The following CACNA2D3 variants were observed in gnomAD, a reference collection of about 807,000 sequenced individuals.
CACNA2D3 encodes the protein voltage-dependent calcium channel subunit alpha-2/delta-3.
CACNA2D3 carries 60 observed loss-of-function variants against 160.6 expected under a neutral mutation model. That is an observed-to-expected ratio of 0.37 (90% CI 0.30 to 0.46). The LOEUF is 0.46. Among genes scored for constraint, CACNA2D3 ranks in the 20% least tolerant of loss-of-function variants. The probability of loss-of-function intolerance (pLI) is 1.00; values close to 1 mark genes in which losing one functional copy is unlikely to be tolerated. For synonymous variants in CACNA2D3, 558 were observed against 492.9 expected (o/e 1.13, Z -1.75); for missense variants, 1,205 against 1,365.0 (o/e 0.88, Z 1.85).
chr3:54,496,681 T>C (rs953039759), intron 4 of CACNA2D3, among the ~76,000 whole-genome samples: 1 of 152,200 alleles, frequency 6.6e-6, no homozygotes, highest in African/African-American at 2.4e-5. Flanking sequence ...AAAATGTAAG[T>C]GCCTTCTGTA....
At chr3:54,773,049 C>T (rs146389901) in intron 13 of CACNA2D3, among the ~76,000 whole-genome samples, 4 of 152,304 alleles carry the variant, frequency 2.6e-5, no homozygotes, top group African/African-American at 7.2e-5. Flanking sequence ...TTGCCCCTCC[C>T]GTTTGCTGGT....
intron 4 of CACNA2D3, among the ~76,000 whole-genome samples, chr3:54,444,512 G>C (rs1700190993): frequency 6.6e-6 from 1 of 152,154 alleles, no homozygotes; most frequent in Non-Finnish European, 1.5e-5. Context: ...GATGTGGTGG[G>C]CCTTTTCATA....
At chr3:54,594,380 C>A (rs569292525) in intron 9 of CACNA2D3, among the ~76,000 whole-genome samples, 3 of 152,208 alleles carry the variant, frequency 2.0e-5, no homozygotes, top group Admixed American at 2.0e-4. Flanking sequence ...CTTAGTTTTC[C>A]AATCCCTGGT....
chr3:54,658,043 A>G (rs1188246223), intron 11 of CACNA2D3, among the ~76,000 whole-genome samples: 1 of 152,196 alleles, frequency 6.6e-6, no homozygotes, highest in Admixed American at 6.5e-5. Context: ...AAGAAATTAT[A>G]TTGTATGTGT....
chr3:54,869,955 C>A (rs557818530), intron 17 of CACNA2D3, among the ~76,000 whole-genome samples: 287 of 152,188 alleles, frequency 1.9e-3, no homozygotes, highest in South Asian at 5.6e-3. Flanking sequence ...TAAAACTGAC[C>A]GTGAATGTCT....
At chr3:54,883,056 T>C (rs934418382) in intron 21 of CACNA2D3, among the ~76,000 whole-genome samples, 43 of 152,224 alleles carry the variant, frequency 2.8e-4, no homozygotes, top group Non-Finnish European at 2.9e-5. Context: ...AGTCTTGCTC[T>C]GTTGCTGAGG....
chr3:54,806,493 C>T (rs538194414), intron 13 of CACNA2D3, among the ~76,000 whole-genome samples: 37 of 152,072 alleles, frequency 2.4e-4, no homozygotes, highest in African/African-American at 8.9e-4. Flanking sequence ...ATCCAACTTA[C>T]AAGGGATGTG....
chr3:54,749,458 C>G (rs957778079), intron 11 of CACNA2D3, among the ~76,000 whole-genome samples: 2 of 152,182 alleles, frequency 1.3e-5, no homozygotes, highest in Admixed American at 6.5e-5. Flanking sequence ...TATGTACTCT[C>G]TTCTACCACT....
At chr3:54,629,637 A>G (rs1165203236) in intron 10 of CACNA2D3, among the ~76,000 whole-genome samples, 3 of 152,210 alleles carry the variant, frequency 2.0e-5, no homozygotes, top group Non-Finnish European at 4.4e-5. Context: ...TGTTGACAGC[A>G]AAGTAATAGT....
chr3:55,033,606 ATC>A (rs58111100), intron 35 of CACNA2D3, among the ~76,000 whole-genome samples: 12 of 134,688 alleles, frequency 8.9e-5, no homozygotes, highest in African/African-American at 3.4e-4. Context: ...ATATATATAT[ATC>A]TCCTTGAAGT....
rs561873331 is a variant in CACNA2D3 at position 54,457,814 on chromosome 3, C to G, written c.382-45678C>G. Among the ~76,000 whole-genome samples, 8 of 152,080 alleles carry G rather than the reference C, an allele frequency of 5.3e-5. No homozygotes were observed. In the South Asian group the frequency reaches 1.7e-3, roughly 32 times the overall value. ...TTTTTATATCCTCTCACTGAATGAT[C>G]CCTTTGTCATTACATAATGACTTTC... On this transcript the variant is annotated intron_variant, in intron 4 of 37. Transcript: ENST00000474759.
intron 6 of CACNA2D3, among the ~76,000 whole-genome samples, chr3:54,568,011 G>A (rs1471033317): frequency 1.3e-5 from 2 of 152,216 alleles, no homozygotes; most frequent in African/African-American, 2.4e-5. Flanking sequence ...GCTATTTGTT[G>A]TAGTCCTTCA....
intron 11 of CACNA2D3, among the ~76,000 whole-genome samples, chr3:54,689,721 GAC>G (rs374097446): frequency 6.7e-5 from 10 of 150,238 alleles, no homozygotes; most frequent in South Asian, 4.2e-4. Context: ...TGCCGACTCT[GAC>G]ACACACACAC....
At chr3:54,882,748 G>T (rs560639224) in intron 21 of CACNA2D3, among the ~76,000 whole-genome samples, 18 of 152,270 alleles carry the variant, frequency 1.2e-4, no homozygotes, top group South Asian at 4.1e-4. Flanking sequence ...AGGAGCCGTG[G>T]TGTATTATTG....
intron 3 of CACNA2D3, 92 bp from the exon 4 acceptor site, chr3:54,386,623 A>T: frequency 8.5e-7 from 1 of 1,173,042 alleles, no homozygotes; most frequent in Non-Finnish European, 1.2e-6. Context: ...GAACCACGAT[A>T]TAATATGTCA....
At chr3:54,830,685 C>A (rs1703856134) in intron 14 of CACNA2D3, among the ~76,000 whole-genome samples, 1 of 151,978 alleles carries the variant, frequency 6.6e-6, no homozygotes, top group South Asian at 2.1e-4. Flanking sequence ...AAACTCCCAA[C>A]CTCAGGTGAT....
chr3:54,976,056 T>C (rs1412716730), intron 29 of CACNA2D3, among the ~76,000 whole-genome samples: 4 of 144,970 alleles, frequency 2.8e-5, no homozygotes, highest in African/African-American at 1.0e-4. Context: ...TAGATATAGA[T>C]ACACACACAC....
chr3:54,554,228 A>T (rs1575342333), intron 5 of CACNA2D3, among the ~76,000 whole-genome samples: 1 of 152,182 alleles, frequency 6.6e-6, no homozygotes, highest in East Asian at 1.9e-4. Flanking sequence ...TTCCACAGAC[A>T]GTAACTCTCT....
intron 11 of CACNA2D3, among the ~76,000 whole-genome samples, chr3:54,669,177 C>T (rs1700116828): frequency 6.6e-6 from 1 of 152,146 alleles, no homozygotes; most frequent in African/African-American, 2.4e-5. Flanking sequence ...AGAAGGGCCC[C>T]ATGCTTGGCT....
Sources: allele counts gnomAD v4.1 joint callset (sites outside exome capture counted in the v4.1 genomes callset), GRCh38; gene constraint gnomAD v4.1.1; transcripts MANE v1.5; gene names NCBI Gene and HGNC (gene_info 2026-07-23, HGNC 2026-07-21).